Variants in AOAH observed in about 807,000 individuals in gnomAD.
AOAH encodes the protein acyloxyacyl hydrolase.
A neutral mutation model predicts 92.2 loss-of-function variants in AOAH; 64 were observed. That is an observed-to-expected ratio of 0.69 (90% CI 0.57 to 0.86). The LOEUF (loss-of-function observed/expected upper bound fraction) is 0.86. AOAH is among the 40% of genes least tolerant of loss of function. The probability of loss-of-function intolerance (pLI) is 0.00; values close to 1 mark genes in which losing one functional copy is unlikely to be tolerated. For synonymous variants in AOAH, 263 were observed against 254.5 expected (o/e 1.03, Z -0.32); for missense variants, 656 against 694.6 (o/e 0.94, Z 0.62).
chr7:36,526,673 A>T (rs1784410137), intron 19 of AOAH, among the ~76,000 whole-genome samples: 1 of 152,230 alleles, frequency 6.6e-6, no homozygotes, highest in Non-Finnish European at 1.5e-5. Flanking sequence ...TTGGAGCATA[A>T]TGTATTTTGT....
chr7:36,723,002 G>A (rs561157361), intron 1 of AOAH, among the ~76,000 whole-genome samples: 15 of 140,272 alleles, frequency 1.1e-4, no homozygotes, highest in African/African-American at 3.9e-4. Flanking sequence ...CATGTACAAT[G>A]ACCTGAGGCC....
At chr7:36,674,106 G>T (rs969535725) in intron 2 of AOAH, 97 bp from the exon 3 acceptor site, 2 of 685,220 alleles carry the variant, frequency 2.9e-6, no homozygotes, top group African/African-American at 1.8e-5. Flanking sequence ...GAAGCTGAGT[G>T]ATTAATTTAT....
intron 3 of AOAH, among the ~76,000 whole-genome samples, chr7:36,659,584 G>A (rs189329057): frequency 1.3e-5 from 2 of 152,266 alleles, no homozygotes; most frequent in Admixed American, 1.3e-4. Flanking sequence ...GAAAAAGTGG[G>A]CAGGGACGTA....
At chr7:36,517,224 C>CTTTCTTTCTTTT (rs1229778638) in intron 20 of AOAH, among the ~76,000 whole-genome samples, 1 of 47,584 alleles carries the variant, frequency 2.1e-5, no homozygotes, top group Non-Finnish European at 5.6e-5. Context: ...CTCTTTCTTT[C>CTTTCTTTCTTTT]TGTCTCTCTC....
At chr7:36,710,853 G>C (rs1297689233) in intron 1 of AOAH, among the ~76,000 whole-genome samples, 1 of 151,928 alleles carries the variant, frequency 6.6e-6, no homozygotes, top group African/African-American at 2.4e-5. Flanking sequence ...ATTTCCAAAA[G>C]AATAGATAAT....
At chr7:36,608,910 A>AG (rs1198057785) in intron 11 of AOAH, among the ~76,000 whole-genome samples, 1,190 of 17,150 alleles carry the variant, frequency 0.069, 9 homozygotes, top group African/African-American at 0.12. Flanking sequence ...TGCGGCGGGG[A>AG]GGGGGGGGGG....
chr7:36,707,968 T>C (rs1798532147), intron 1 of AOAH, among the ~76,000 whole-genome samples: 1 of 152,070 alleles, frequency 6.6e-6, no homozygotes. Flanking sequence ...TAATTTTTTA[T>C]TTTTTGTAAA....
At chr7:36,632,305 G>A (rs1002083402) in intron 5 of AOAH, among the ~76,000 whole-genome samples, 199 bp from the exon 6 acceptor site, 7 of 152,052 alleles carry the variant, frequency 4.6e-5, no homozygotes, top group African/African-American at 1.7e-4. Flanking sequence ...TGCCCATCGG[G>A]CTCCTCAGCC....
At chr7:36,559,015 G>T (rs1195969544) in intron 13 of AOAH, among the ~76,000 whole-genome samples, 1 of 152,230 alleles carries the variant, frequency 6.6e-6, no homozygotes, top group East Asian at 1.9e-4. Context: ...ACTCCCTAGT[G>T]AGATGAACCC....
intron 1 of AOAH, among the ~76,000 whole-genome samples, chr7:36,709,445 T>G (rs1477408483): frequency 1.3e-5 from 2 of 152,188 alleles, no homozygotes; most frequent in East Asian, 1.9e-4. Context: ...TAAATATTTC[T>G]CAATTCATTG....
In AOAH at chr7:36,678,600, T is replaced by TGTGTGTGTGTGCGC. The variant is rs549317369; in HGVS notation, c.224-4592_224-4591insGCGCACACACACAC. On this transcript the variant is annotated intron_variant, in intron 2 of 20. Transcript: ENST00000617537. The stretch of plus-strand genomic sequence containing the variant: ...GTGTGTGTGTGTGTGTGTGTGTGTG[T>TGTGTGTGTGTGCGC]GCGCGCGCGCGCGCGTTAGAATTCT... 8.3e-3 allele frequency among the ~76,000 whole-genome samples: 1,080 copies of TGTGTGTGTGTGCGC among 130,864 alleles called. 16 individuals carry two copies. Among genetic ancestry groups the TGTGTGTGTGTGCGC allele is most frequent in the Middle Eastern group, 0.017 (4 of 232 alleles). The allele number at this position is 130,864 out of a possible 152,430, so 85.9% of individuals were successfully genotyped here. A position where few individuals can be genotyped will look rare whatever the true frequency, so the allele number is the denominator to read the frequency against.
At chr7:36,689,893 C>T (rs1797279028) in intron 1 of AOAH, among the ~76,000 whole-genome samples, 2 of 152,286 alleles carry the variant, frequency 1.3e-5, no homozygotes, top group South Asian at 4.1e-4. Context: ...AGTGGGTGAT[C>T]GTAGGGCATA....
chr7:36,691,482 G>A (rs1437661196), intron 1 of AOAH, among the ~76,000 whole-genome samples: 1 of 152,122 alleles, frequency 6.6e-6, no homozygotes, highest in African/African-American at 2.4e-5. Context: ...TCATCTTAGA[G>A]TCTGGACATG....
intron 11 of AOAH, among the ~76,000 whole-genome samples, chr7:36,603,847 T>C (rs1339525026): frequency 6.6e-6 from 1 of 152,238 alleles, no homozygotes; most frequent in Non-Finnish European, 1.5e-5. Flanking sequence ...AAAATACATA[T>C]AATAGCAGAG....
At chr7:36,620,293 T>C (rs1792184091) in intron 9 of AOAH, among the ~76,000 whole-genome samples, 1 of 152,088 alleles carries the variant, frequency 6.6e-6, no homozygotes, top group South Asian at 2.1e-4. Context: ...CCCCGGGAGC[T>C]GCAAATCCAT....
At chr7:36,686,268 C>G (rs1278862956) in intron 2 of AOAH, among the ~76,000 whole-genome samples, 4 of 152,084 alleles carry the variant, frequency 2.6e-5, no homozygotes, top group Non-Finnish European at 5.9e-5. Flanking sequence ...ATCAGTTGTC[C>G]TCTCAACCCA....
intron 19 of AOAH, 62 bp downstream of exon 19, chr7:36,530,356 G>A (rs978822992): frequency 3.3e-6 from 4 of 1,207,272 alleles, no homozygotes; most frequent in Non-Finnish European, 4.9e-6. Context: ...AAAACCAGTT[G>A]CCCAGGCCCT....
chr7:36,569,696 C>T (rs1344542466), intron 13 of AOAH, among the ~76,000 whole-genome samples: 5 of 151,922 alleles, frequency 3.3e-5, no homozygotes, highest in Admixed American at 1.3e-4. Flanking sequence ...CTGCAACCTC[C>T]GCCTCCCGGG....
At chr7:36,685,050 A>C (rs1796913115) in intron 2 of AOAH, among the ~76,000 whole-genome samples, 1 of 152,010 alleles carries the variant, frequency 6.6e-6, no homozygotes, top group Non-Finnish European at 1.5e-5. Flanking sequence ...TTGTCAAAGA[A>C]ATCAGATTGG....
Sources: allele counts gnomAD v4.1 joint callset (sites outside exome capture counted in the v4.1 genomes callset), GRCh38; gene constraint gnomAD v4.1.1; transcripts MANE v1.5; gene names NCBI Gene and HGNC (gene_info 2026-07-23, HGNC 2026-07-21).